FAXC: variants seen among roughly 807,000 people sequenced by gnomAD.
FAXC encodes the protein failed axon connections homolog.
FAXC carries 10 observed loss-of-function variants against 41.9 expected under a neutral mutation model. The ratio of observed to expected loss-of-function variants is 0.24; its 90% CI spans 0.15 to 0.41. FAXC has a LOEUF of 0.41. FAXC is among the 10% of genes least tolerant of loss of function. The pLI, the probability that FAXC is intolerant of heterozygous loss-of-function variation, is 1.00. For synonymous variants in FAXC, 183 were observed against 183.8 expected (o/e 1.00, Z 0.03); for missense variants, 399 against 510.9 (o/e 0.78, Z 2.11).
At chr6:99,344,148 A>G (rs1773516135) in intron 1 of FAXC, among the ~76,000 whole-genome samples, 2 of 152,200 alleles carry the variant, frequency 1.3e-5, no homozygotes, top group South Asian at 2.1e-4. Context: ...ATGGTTTATC[A>G]TGAGGATTAC....
chr6:99,339,272 C>G (rs1391087166), intron 2 of FAXC, among the ~76,000 whole-genome samples: 2 of 152,146 alleles, frequency 1.3e-5, no homozygotes, highest in Non-Finnish European at 2.9e-5. Context: ...AAAGGTGAAC[C>G]CCGGAGCTGC....
chr6:99,324,762 G>A (rs1203791724), intron 3 of FAXC, among the ~76,000 whole-genome samples: 8 of 152,204 alleles, frequency 5.3e-5, no homozygotes, highest in Non-Finnish European at 2.9e-5. Flanking sequence ...AGGCTGAAGA[G>A]AATGCAGCTG....
intron 4 of FAXC, among the ~76,000 whole-genome samples, chr6:99,301,933 T>C (rs1415836989): frequency 6.6e-6 from 1 of 152,220 alleles, no homozygotes; most frequent in African/African-American, 2.4e-5. Flanking sequence ...GTCTGCATAA[T>C]AAGTTACCCC....
At chr6:99,327,024 A>C (rs1772836883) in intron 3 of FAXC, among the ~76,000 whole-genome samples, 1 of 152,200 alleles carries the variant, frequency 6.6e-6, no homozygotes, top group African/African-American at 2.4e-5. Context: ...AGGACACAGA[A>C]GACGAAACAC....
chr6:99,318,260 A>AACACACACAC (rs71021723), intron 4 of FAXC, among the ~76,000 whole-genome samples: 7 of 64,814 alleles, frequency 1.1e-4, no homozygotes, highest in Admixed American at 2.4e-4. Context: ...CTCCGTCTCA[A>AACACACACAC]ACACACACAC....
chr6:99,305,151 A>G (rs1771870067), intron 4 of FAXC, among the ~76,000 whole-genome samples: 2 of 152,128 alleles, frequency 1.3e-5, no homozygotes, highest in South Asian at 4.1e-4. Context: ...AAGGAGTTTG[A>G]ATTTTAGCCT....
intron 5 of FAXC, among the ~76,000 whole-genome samples, chr6:99,290,421 G>A (rs1315779895): frequency 6.6e-6 from 1 of 152,062 alleles, no homozygotes; most frequent in Non-Finnish European, 1.5e-5. Context: ...ACTTTGGGCG[G>A]CCGGGCGTGG....
Position 99,349,476 on chromosome 6 carries a change from G to A in FAXC, c.-104C>T, listed in dbSNP as rs1298072689. 1.2e-6 allele frequency: 1 copy of A among 853,842 alleles called. No individual in the cohort carries two copies. The highest frequency in any genetic ancestry group is 5.9e-4 in the Middle Eastern group (1 of 1,690). The allele number at this position is 853,842 out of a possible 1,614,324, so 52.9% of individuals were successfully genotyped here. The stretch of plus-strand genomic sequence containing the variant: ...GCTCAGAGGCGCGCGGAGGGCGCGG[G>A]CGGCGCGGGCGGCGGCGACTGAGGA... On this transcript the variant is annotated 5_prime_UTR_variant, in exon 1 of 6. Coordinates refer to ENST00000389677, the MANE Select transcript of FAXC (RefSeq NM_032511.4).
Position 99,280,926 on chromosome 6 carries a change from T to C in FAXC, c.*238A>G, listed in dbSNP as rs1223454321. ...AATAGTTTTCTAATGAAAACAAAAA[T>C]GGATTTCAGGAACCATGCTGACATT... On this transcript the variant is annotated 3_prime_UTR_variant, in exon 6 of 6. Coordinates refer to ENST00000389677, the MANE Select transcript of FAXC (RefSeq NM_032511.4). 1 of 445,664 alleles carries C rather than the reference T, an allele frequency of 2.2e-6. No homozygotes were observed. The highest frequency in any genetic ancestry group is 4.0e-6 in the Non-Finnish European group (1 of 247,264). 27.6% of individuals were successfully genotyped at this position (445,664 alleles called of 1,614,324 possible).
upstream of FAXC, chr6:99,349,970 C>A (rs1218215816): frequency 6.6e-6 from 1 of 152,128 alleles, no homozygotes; most frequent in African/African-American, 2.4e-5. Flanking sequence ...CGCCTGCGCT[C>A]CAGCCCCTCC....
intron 4 of FAXC, among the ~76,000 whole-genome samples, chr6:99,293,347 C>G (rs778671532): frequency 6.6e-6 from 1 of 152,204 alleles, no homozygotes; most frequent in Non-Finnish European, 1.5e-5. Flanking sequence ...TGTGCACCCT[C>G]TCTCTGCCCC....
chr6:99,333,682 A>G, intron 2 of FAXC, 135 bp from the exon 3 acceptor site: 2 of 731,512 alleles, frequency 2.7e-6, no homozygotes. Flanking sequence ...TCAGGGCATA[A>G]ACTCCTTAAG....
intron 4 of FAXC, among the ~76,000 whole-genome samples, chr6:99,303,533 A>C (rs1447113969): frequency 2.0e-5 from 3 of 152,216 alleles, no homozygotes; most frequent in Non-Finnish European, 4.4e-5. Flanking sequence ...ATACTACTCT[A>C]ATGCACTGCC....
chr6:99,297,099 G>A (rs946376016), intron 4 of FAXC, among the ~76,000 whole-genome samples: 2 of 152,204 alleles, frequency 1.3e-5, no homozygotes, highest in Non-Finnish European at 2.9e-5. Context: ...TGGATCATTG[G>A]TTATAAGCCT....
At position 99,273,058 on chromosome 6, in the gene FAXC, A is replaced by G. The variant is rs1770470554; in HGVS notation, c.*8106T>C. On this transcript the variant is annotated 3_prime_UTR_variant, in exon 6 of 6. Transcript: ENST00000389677. ...CTTACAATCAAGTGTACAAGTTTAA[A>G]TATGGCTTTATAAACTACTAATAAC... is the stretch of plus-strand genomic sequence containing the variant. 2 of 152,226 alleles carry G rather than the reference A, an allele frequency of 1.3e-5. No homozygotes were observed. The highest frequency in any genetic ancestry group is 4.1e-4 in the South Asian group (2 of 4,834). The allele number at this position is 152,226 out of a possible 1,614,324, so 9.4% of individuals were successfully genotyped here. A position where few individuals can be genotyped will look rare whatever the true frequency, so the allele number is the denominator to read the frequency against.
At chr6:99,305,548 A>AC (rs1771886717) in intron 4 of FAXC, among the ~76,000 whole-genome samples, 1 of 152,012 alleles carries the variant, frequency 6.6e-6, no homozygotes, top group Admixed American at 6.6e-5. Flanking sequence ...TAATAATACT[A>AC]CCTACCCTCA....
At chr6:99,329,315 G>A (rs1485694566) in intron 3 of FAXC, among the ~76,000 whole-genome samples, 3 of 152,146 alleles carry the variant, frequency 2.0e-5, no homozygotes, top group East Asian at 3.8e-4. Flanking sequence ...AATGTTTACA[G>A]GTGAACAAGA....
At chr6:99,316,455 T>A (rs1018245065) in intron 4 of FAXC, among the ~76,000 whole-genome samples, 3 of 152,194 alleles carry the variant, frequency 2.0e-5, no homozygotes, top group African/African-American at 7.2e-5. Context: ...GCCAGTTCTC[T>A]CTTTCTCAGC....
At chr6:99,343,969 A>G (rs1773509439) in intron 1 of FAXC, among the ~76,000 whole-genome samples, 1 of 152,064 alleles carries the variant, frequency 6.6e-6, no homozygotes, top group Admixed American at 6.5e-5. Flanking sequence ...TTTGGGTGAG[A>G]AGGACTTCCC....
Sources: allele counts gnomAD v4.1 joint callset (sites outside exome capture counted in the v4.1 genomes callset), GRCh38; gene constraint gnomAD v4.1.1; transcripts MANE v1.5; gene names NCBI Gene and HGNC (gene_info 2026-07-23, HGNC 2026-07-21).